Variants in PTPRD observed in about 807,000 individuals in gnomAD.
The protein encoded by PTPRD is protein tyrosine phosphatase receptor type D.
Under a neutral mutation model 214.5 loss-of-function variants are expected in PTPRD, and 34 were observed. The observed-to-expected ratio is 0.16, with a 90% CI of 0.12 to 0.21. The LOEUF (loss-of-function observed/expected upper bound fraction) is 0.21. PTPRD is among the 10% of genes least tolerant of loss of function. The pLI is 1.00. For synonymous variants in PTPRD, 1,128 were observed against 845.7 expected, an observed-to-expected ratio of 1.33 and a Z score of -5.79; for missense variants, 2,545 against 2,398.7, an observed-to-expected ratio of 1.06 and a Z score of -1.27.
intron 9 of PTPRD, among the ~76,000 whole-genome samples, chr9:9,361,215 C>T (rs777761403): frequency 7.3e-5 from 11 of 151,034 alleles, no homozygotes; most frequent in South Asian, 2.1e-4. Context: ...CCATTCTTTT[C>T]GCATATAATC....
Position 9,535,942 on chromosome 9 carries a change from C to T in PTPRD, c.-237+38790G>A, listed in dbSNP as rs186445918. 1.2e-3 allele frequency among the ~76,000 whole-genome samples: 180 copies of T among 152,090 alleles called. 1 individual carries two copies. The highest frequency in any genetic ancestry group is 3.9e-3 in the African/African-American group (161 of 41,518). On this transcript the variant is annotated intron_variant, in intron 8 of 45. Coordinates refer to ENST00000381196, the MANE Select transcript of PTPRD (RefSeq NM_002839.4). Reference sequence around the variant, plus strand: ...CTATAAGATTCGCTATTTGAATATGCTTGTTTAACTACTCCTAAGAGAAAT... The same window carrying T: ...CTATAAGATTCGCTATTTGAATATGTTTGTTTAACTACTCCTAAGAGAAAT...
intron 24 of PTPRD, among the ~76,000 whole-genome samples, chr9:8,500,551 A>C (rs969495024): frequency 2.2e-5 from 3 of 134,744 alleles, no homozygotes; most frequent in Non-Finnish European, 4.7e-5. Context: ...TTGAGATTGA[A>C]AAAAATGAAA....
At chr9:9,846,308 C>T (rs190388955) in intron 5 of PTPRD, among the ~76,000 whole-genome samples, 18 of 152,164 alleles carry the variant, frequency 1.2e-4, no homozygotes, top group African/African-American at 3.9e-4. Flanking sequence ...TACTTGTCAT[C>T]TCCAATGCTA....
chr9:9,389,388 T>C (rs1343977578), intron 9 of PTPRD, among the ~76,000 whole-genome samples: 2 of 152,092 alleles, frequency 1.3e-5, no homozygotes, highest in African/African-American at 4.8e-5. Context: ...CACATGCCTG[T>C]AATCCCAGCT....
chr9:10,414,873 A>C (rs1217963401), intron 2 of PTPRD, among the ~76,000 whole-genome samples: 1 of 151,686 alleles, frequency 6.6e-6, no homozygotes, highest in Non-Finnish European at 1.5e-5. Flanking sequence ...CAGTTATAAG[A>C]ATGATGAGAA....
chr9:9,927,061 T>C (rs1310734134), intron 5 of PTPRD, among the ~76,000 whole-genome samples: 2 of 152,208 alleles, frequency 1.3e-5, no homozygotes, highest in African/African-American at 4.8e-5. Flanking sequence ...TTAATTTTGC[T>C]TATTAGTTTT....
chr9:8,495,177 A>G (rs577536446), intron 26 of PTPRD, among the ~76,000 whole-genome samples: 1 of 152,274 alleles, frequency 6.6e-6, no homozygotes, highest in East Asian at 1.9e-4. Flanking sequence ...TCCTGTGACT[A>G]CCCAGTGTTA....
chr9:9,131,022 G>A (rs10977507), intron 10 of PTPRD, among the ~76,000 whole-genome samples: 5,156 of 151,732 alleles, frequency 0.034, 182 homozygotes, highest in African/African-American at 0.076. Context: ...TTTTTTAAAA[G>A]AATAAAAAAA....
intron 6 of PTPRD, among the ~76,000 whole-genome samples, chr9:9,748,858 A>G (rs1348386635): frequency 6.7e-6 from 1 of 149,212 alleles, no homozygotes; most frequent in Non-Finnish European, 1.5e-5. Flanking sequence ...TGGTTCTTTC[A>G]GTATCAGTGA....
At chr9:9,996,465 A>G (rs1345412843) in intron 4 of PTPRD, among the ~76,000 whole-genome samples, 1 of 152,208 alleles carries the variant, frequency 6.6e-6, no homozygotes, top group Non-Finnish European at 1.5e-5. Context: ...GAATGTAAAC[A>G]TGCCTGGAAT....
intron 3 of PTPRD, among the ~76,000 whole-genome samples, chr9:10,200,985 C>G (rs2099417730): frequency 1.3e-5 from 2 of 152,006 alleles, no homozygotes; most frequent in South Asian, 4.1e-4. Context: ...CTTATATACT[C>G]ACACAGCTAA....
chr9:9,019,927 G>A (rs921472172), intron 10 of PTPRD, among the ~76,000 whole-genome samples: 8 of 151,870 alleles, frequency 5.3e-5, no homozygotes, highest in African/African-American at 1.5e-4. Flanking sequence ...AATTAACCTG[G>A]ACTCTATGTG....
intron 5 of PTPRD, among the ~76,000 whole-genome samples, chr9:9,840,637 C>T (rs992001472): frequency 1.3e-5 from 2 of 151,558 alleles, no homozygotes; most frequent in African/African-American, 4.9e-5. Flanking sequence ...GTGGCGCGTG[C>T]CTGTAGTCCC....
intron 3 of PTPRD, among the ~76,000 whole-genome samples, chr9:10,191,973 T>C (rs749920891): frequency 5.3e-5 from 8 of 152,280 alleles, no homozygotes; most frequent in Non-Finnish European, 1.0e-4. Flanking sequence ...GGTTAGCAAA[T>C]CACAGGTACT....
intron 11 of PTPRD, among the ~76,000 whole-genome samples, chr9:9,001,762 C>T (rs1436280024): frequency 6.6e-6 from 1 of 152,022 alleles, no homozygotes. Context: ...CTAACCCGCT[C>T]TTTTGACTTT....
intron 30 of PTPRD, among the ~76,000 whole-genome samples, chr9:8,482,392 T>C (rs10117964): frequency 0.043 from 6,487 of 152,090 alleles, 459 homozygotes; most frequent in African/African-American, 0.15. Context: ...GAGTCAACTA[T>C]GTGACCACCT....
At chr9:9,447,884 C>T (rs924147443) in intron 8 of PTPRD, among the ~76,000 whole-genome samples, 1 of 151,932 alleles carries the variant, frequency 6.6e-6, no homozygotes, top group Non-Finnish European at 1.5e-5. Context: ...AGGTCAGTGC[C>T]GTTGGGCCAG....
intron 43 of PTPRD, among the ~76,000 whole-genome samples, chr9:8,335,183 G>C (rs1036228705): frequency 6.6e-6 from 1 of 151,856 alleles, no homozygotes; most frequent in Admixed American, 6.6e-5. Flanking sequence ...AAACCTGGCA[G>C]AGACACAACA....
At chr9:8,787,920 TA>T (rs1460436003) in intron 11 of PTPRD, among the ~76,000 whole-genome samples, 1 of 152,190 alleles carries the variant, frequency 6.6e-6, no homozygotes, top group Non-Finnish European at 1.5e-5. Flanking sequence ...CACCTTTTTT[TA>T]AAACTCATTT....
Sources: allele counts gnomAD v4.1 joint callset (sites outside exome capture counted in the v4.1 genomes callset), GRCh38; gene constraint gnomAD v4.1.1; transcripts MANE v1.5; gene names NCBI Gene and HGNC (gene_info 2026-07-23, HGNC 2026-07-21).